Variants in TMEM170B observed in about 807,000 individuals in gnomAD.
TMEM170B encodes the protein transmembrane protein 170B.
A neutral mutation model predicts 13.0 loss-of-function variants in TMEM170B; 6 were observed. The ratio of observed to expected loss-of-function variants is 0.46; its 90% CI spans 0.25 to 0.91. TMEM170B has a LOEUF of 0.91. TMEM170B is among the 40% of genes least tolerant of loss of function. TMEM170B has a pLI of 0.17. For synonymous variants in TMEM170B, 61 were observed against 64.9 expected (o/e 0.94, Z 0.29); for missense variants, 138 against 165.2 (o/e 0.84, Z 0.90).
intron 1 of TMEM170B, among the ~76,000 whole-genome samples, chr6:11,542,168 A>T (rs1022936491): frequency 6.6e-6 from 1 of 152,190 alleles, no homozygotes. Flanking sequence ...AAATAAAGTG[A>T]AGTACAATAA....
chr6:11,557,313 T>G (rs1180703919), intron 1 of TMEM170B, among the ~76,000 whole-genome samples: 1 of 152,232 alleles, frequency 6.6e-6, no homozygotes, highest in East Asian at 1.9e-4. Context: ...ATAACTGAAC[T>G]GTTTTAGTAA....
chr6:11,544,872 C>A (rs988139396), intron 1 of TMEM170B, among the ~76,000 whole-genome samples: 4 of 152,076 alleles, frequency 2.6e-5, no homozygotes. Context: ...AATTCCCAAC[C>A]CCAATCTAAA....
rs934180907 is a variant in TMEM170B at position 11,577,638 on chromosome 6, A to G, written c.*2077A>G. The G allele has an allele frequency of 6.6e-6, 1 of 152,140 alleles. No individual in the cohort carries two copies. The highest frequency in any genetic ancestry group is 1.5e-5 in the Non-Finnish European group (1 of 67,954). The allele number at this position is 152,140 out of a possible 1,614,324, so 9.4% of individuals were successfully genotyped here. A position where few individuals can be genotyped will look rare whatever the true frequency, so the allele number is the denominator to read the frequency against. On this transcript the variant is annotated 3_prime_UTR_variant, in exon 3 of 3. Coordinates refer to ENST00000379426, the MANE Select transcript of TMEM170B (RefSeq NM_001100829.3). ...AATATGGAGCATGATTCATAATCCA[A>G]AATTAACAAGAAAATAACTTGGATA...
chr6:11,565,558 A>T, intron 1 of TMEM170B, 108 bp from the exon 2 acceptor site: 1 of 1,126,946 alleles, frequency 8.9e-7, no homozygotes, highest in Admixed American at 2.0e-5. Context: ...GCATTTTTCT[A>T]TGTATTATGT....
chr6:11,559,634 T>C (rs1237522035), intron 1 of TMEM170B, among the ~76,000 whole-genome samples: 1 of 152,222 alleles, frequency 6.6e-6, no homozygotes, highest in African/African-American at 2.4e-5. Context: ...GTATCATCTC[T>C]CTGAGAGTCT....
chr6:11,568,372 C>A (rs1409369873), intron 2 of TMEM170B, among the ~76,000 whole-genome samples: 1 of 151,992 alleles, frequency 6.6e-6, no homozygotes, highest in African/African-American at 2.4e-5. Context: ...ATTGTGCAAC[C>A]ATGAACAGAG....
Position 11,582,812 on chromosome 6 carries a change from A to T in TMEM170B, c.*7251A>T, listed in dbSNP as rs547106745. The T allele has an allele frequency of 1.3e-5, 2 of 152,330 alleles. No homozygotes were observed. The highest frequency in any genetic ancestry group is 4.1e-4 in the South Asian group (2 of 4,828). 9.4% of individuals were successfully genotyped at this position (152,330 alleles called of 1,614,324 possible). A position where few individuals can be genotyped will look rare whatever the true frequency, so the allele number is the denominator to read the frequency against. ...ATACACAAAAACAAAGGCATATTTG[A>T]TGAAGTACCCTGTGTTATGTGAACA... On this transcript the variant is annotated 3_prime_UTR_variant, in exon 3 of 3. Transcript: ENST00000379426.
chr6:11,550,930 CATCT>C (rs2113767213), intron 1 of TMEM170B, among the ~76,000 whole-genome samples: 1 of 152,290 alleles, frequency 6.6e-6, no homozygotes, highest in South Asian at 2.1e-4. Context: ...TTAACTTATA[CATCT>C]TTGTATTAGT....
rs954438755 is a variant in TMEM170B at position 11,576,962 on chromosome 6, A to C, written c.*1401A>C. On this transcript the variant is annotated 3_prime_UTR_variant, in exon 3 of 3. Transcript: ENST00000379426. ...GGAAGTAGGGTTGAACTGGTCTCCT[A>C]ATGAGATTTTTTTTGGCACCAGATA... 6.6e-6 allele frequency: 1 copy of C among 152,112 alleles called. No homozygotes were observed. Among genetic ancestry groups the C allele is most frequent in the Admixed American group, 6.6e-5 (1 of 15,258 alleles). The allele number at this position is 152,112 out of a possible 1,614,324, so 9.4% of individuals were successfully genotyped here.
chr6:11,554,843 A>G (rs1383379976), intron 1 of TMEM170B, among the ~76,000 whole-genome samples: 2 of 152,196 alleles, frequency 1.3e-5, no homozygotes, highest in Non-Finnish European at 1.5e-5. Context: ...TTAAGTATCT[A>G]CAGTAGCTTT....
In TMEM170B at chr6:11,575,512, C is replaced by G. The variant is rs998301808; in HGVS notation, c.350C>G (p.Thr117Ser). ...LEALVWGVGQ[T>S]VLTLIISFSR... ...GCGCTGGTATGGGGCGTTGGACAGACTGTACTGACATTAATCATCTCCTTT... is the reference window on the plus strand; with the variant it reads ...GCGCTGGTATGGGGCGTTGGACAGAGTGTACTGACATTAATCATCTCCTTT... Residue 117 changes from threonine (T) to serine (S), a missense_variant, in exon 3 of 3, where the codon ACT (threonine) becomes AGT (serine). Transcript: ENST00000379426. The surrounding 1 kb of genome is among the most constrained non-coding windows in gnomAD (Gnocchi z 4.1). 1 of 1,613,470 alleles carries G rather than the reference C, an allele frequency of 6.2e-7. No individual in the cohort carries two copies. Among genetic ancestry groups the G allele is most frequent in the Non-Finnish European group, 8.5e-7 (1 of 1,179,558 alleles).
intron 1 of TMEM170B, among the ~76,000 whole-genome samples, chr6:11,547,321 C>G (rs1045690876): frequency 2.0e-5 from 3 of 152,174 alleles, no homozygotes; most frequent in Non-Finnish European, 4.4e-5. Context: ...CCCAAGAAGG[C>G]ATGCTTCTCT....
intron 2 of TMEM170B, among the ~76,000 whole-genome samples, chr6:11,571,584 TC>T (rs1461916952): frequency 1.1e-4 from 17 of 152,294 alleles, no homozygotes; most frequent in Non-Finnish European, 2.9e-5. Flanking sequence ...CAGTGGCAGA[TC>T]CGCATGCGTT....
At chr6:11,538,740 C>T (rs1759319478) in intron 1 of TMEM170B, among the ~76,000 whole-genome samples, 1 of 152,200 alleles carries the variant, frequency 6.6e-6, no homozygotes, top group African/African-American at 2.4e-5. Flanking sequence ...CTACACACAT[C>T]GCTTCTTGCT....
chr6:11,581,399 A>T lies in TMEM170B; in HGVS notation c.*5838A>T, dbSNP rs1453052793. Reference sequence around the variant, plus strand: ...CAGTTATGCAGCTCTAATCTTACTGAAAAGTAAATACTTTAGGCAAGTCAG... The same window carrying T: ...CAGTTATGCAGCTCTAATCTTACTGTAAAGTAAATACTTTAGGCAAGTCAG... On this transcript the variant is annotated 3_prime_UTR_variant, in exon 3 of 3. Coordinates refer to ENST00000379426, the MANE Select transcript of TMEM170B (RefSeq NM_001100829.3). 6.6e-6 allele frequency: 1 copy of T among 152,246 alleles called. No homozygotes were observed. The highest frequency in any genetic ancestry group is 1.5e-5 in the Non-Finnish European group (1 of 68,040). The allele number at this position is 152,246 out of a possible 1,614,324, so 9.4% of individuals were successfully genotyped here.
At chr6:11,558,601 G>C (rs1759620072) in intron 1 of TMEM170B, among the ~76,000 whole-genome samples, 1 of 152,086 alleles carries the variant, frequency 6.6e-6, no homozygotes, top group South Asian at 2.1e-4. Context: ...ATACAGCCAA[G>C]TCCCACCTCC....
At chr6:11,566,401 A>T (rs569758636) in intron 2 of TMEM170B, among the ~76,000 whole-genome samples, 1 of 152,180 alleles carries the variant, frequency 6.6e-6, no homozygotes, top group African/African-American at 2.4e-5. Flanking sequence ...TTCCCTCTGG[A>T]CTTCTCTGTT....
intron 1 of TMEM170B, among the ~76,000 whole-genome samples, chr6:11,545,629 T>G (rs143752608): frequency 0.01 from 1,589 of 152,132 alleles, 9 homozygotes; most frequent in Middle Eastern, 0.021. Flanking sequence ...AAGTAGAGCA[T>G]ATATAGTTAT....
At chr6:11,561,923 T>C (rs1759670126) in intron 1 of TMEM170B, among the ~76,000 whole-genome samples, 1 of 152,208 alleles carries the variant, frequency 6.6e-6, no homozygotes, top group Non-Finnish European at 1.5e-5. Flanking sequence ...GTTGAGATCA[T>C]AGCTACATAT....
Sources: gnomAD v4.1 joint callset for allele counts (sites outside exome capture counted in the v4.1 genomes callset) on GRCh38, gnomAD v4.1.1 for gene constraint, Gnocchi (gnomAD v3.1) non-coding constraint, MANE v1.5 for transcripts, NCBI Gene and HGNC (gene_info 2026-07-23, HGNC 2026-07-21) for gene names.